CACHD1: variants seen among roughly 807,000 people sequenced by gnomAD.
CACHD1 encodes the protein cache domain containing 1.
A neutral mutation model predicts 138.7 loss-of-function variants in CACHD1; 71 were observed. That is an observed-to-expected ratio of 0.51 (90% CI 0.42 to 0.62). CACHD1 has a LOEUF of 0.62. Ranked by LOEUF, CACHD1 falls within the 20% of genes least tolerant of loss-of-function variation. CACHD1 has a pLI of 0.00. For synonymous variants in CACHD1, 578 were observed against 591.5 expected (o/e 0.98, Z 0.33); for missense variants, 1,389 against 1,625.3 (o/e 0.85, Z 2.50).
At chr1:64,532,223 G>A (rs1197096783) in intron 1 of CACHD1, among the ~76,000 whole-genome samples, 1 of 152,198 alleles carries the variant, frequency 6.6e-6, no homozygotes, top group African/African-American at 2.4e-5. Context: ...TGAATTTCCA[G>A]TGGGGTATGG....
chr1:64,572,340 C>T (rs778207580), intron 2 of CACHD1, among the ~76,000 whole-genome samples: 4 of 152,082 alleles, frequency 2.6e-5, no homozygotes, highest in Middle Eastern at 3.2e-3. Context: ...AAAAGAATCT[C>T]GGGTCAGGGG....
At chr1:64,679,841 C>T (rs1650113903) in intron 24 of CACHD1, 85 bp downstream of exon 24, 1 of 1,434,674 alleles carries the variant, frequency 7.0e-7, no homozygotes, top group South Asian at 1.3e-5. Flanking sequence ...AAGGAACTGT[C>T]AGAACAGTGC....
intron 1 of CACHD1, among the ~76,000 whole-genome samples, chr1:64,500,717 T>TAAAAAAAAAAA (rs72436564): frequency 1.8e-4 from 6 of 33,928 alleles, no homozygotes; most frequent in African/African-American, 2.1e-4. Context: ...CCTTGTCTCT[T>TAAAAAAAAAAA]AAAAAAAAAA....
intron 13 of CACHD1, among the ~76,000 whole-genome samples, chr1:64,660,269 G>C (rs1187010837): frequency 6.6e-6 from 1 of 152,106 alleles, no homozygotes; most frequent in Non-Finnish European, 1.5e-5. Context: ...TGATGAAAAA[G>C]AAGCTCAAGC....
chr1:64,501,370 A>G (rs1646338570), intron 1 of CACHD1, among the ~76,000 whole-genome samples: 1 of 152,122 alleles, frequency 6.6e-6, no homozygotes. Context: ...TCTTTATTTT[A>G]TGTATCATTT....
chr1:64,568,513 G>A (rs1330318905), intron 2 of CACHD1, among the ~76,000 whole-genome samples: 8 of 152,142 alleles, frequency 5.3e-5, no homozygotes, highest in Admixed American at 5.2e-4. Context: ...GAGAGAGGAA[G>A]CCACCTGATA....
intron 1 of CACHD1, among the ~76,000 whole-genome samples, chr1:64,529,049 A>G (rs1646561676): frequency 6.6e-6 from 1 of 152,126 alleles, no homozygotes; most frequent in Non-Finnish European, 1.5e-5. Flanking sequence ...AATTTGGAGA[A>G]ATGGGATTTG....
chr1:64,614,084 T>G (rs1647623586), intron 4 of CACHD1, among the ~76,000 whole-genome samples: 1 of 152,212 alleles, frequency 6.6e-6, no homozygotes, highest in Non-Finnish European at 1.5e-5. Context: ...CTTCTCCAGG[T>G]TTTATCCATT....
At chr1:64,686,656 A>G (rs1303399611) in intron 26 of CACHD1, among the ~76,000 whole-genome samples, 1 of 152,130 alleles carries the variant, frequency 6.6e-6, no homozygotes, top group Admixed American at 6.5e-5. Context: ...CTATTGGCTT[A>G]TTTTTAAGTC....
At chr1:64,650,768 G>A (rs1649062246) in intron 9 of CACHD1, among the ~76,000 whole-genome samples, 1 of 152,142 alleles carries the variant, frequency 6.6e-6, no homozygotes, top group South Asian at 2.1e-4. Context: ...CTTTCTGATA[G>A]GCTGATAGAC....
At chr1:64,676,353 C>G (rs902411709) in intron 21 of CACHD1, among the ~76,000 whole-genome samples, 2 of 152,068 alleles carry the variant, frequency 1.3e-5, no homozygotes, top group Non-Finnish European at 2.9e-5. Context: ...TTTTTACACA[C>G]GTATGATGTG....
intron 3 of CACHD1, among the ~76,000 whole-genome samples, chr1:64,592,313 G>A (rs1016158274): frequency 6.6e-6 from 1 of 152,122 alleles, no homozygotes; most frequent in African/African-American, 2.4e-5. Context: ...GGCAGTTAAT[G>A]TATAAGACAT....
At chr1:64,593,694 C>A (rs1326106371) in intron 3 of CACHD1, among the ~76,000 whole-genome samples, 5 of 152,128 alleles carry the variant, frequency 3.3e-5, no homozygotes, top group Non-Finnish European at 7.3e-5. Context: ...ATTATTATTA[C>A]CTGCAGGCCG....
At chr1:64,517,193 A>G (rs1043800791) in intron 1 of CACHD1, among the ~76,000 whole-genome samples, 2 of 152,230 alleles carry the variant, frequency 1.3e-5, no homozygotes, top group Non-Finnish European at 2.9e-5. Flanking sequence ...ATCCTAGCCA[A>G]AAGGCCAAGA....
intron 1 of CACHD1, among the ~76,000 whole-genome samples, chr1:64,512,960 G>A (rs1646433655): frequency 6.6e-6 from 1 of 152,146 alleles, no homozygotes; most frequent in Non-Finnish European, 1.5e-5. Context: ...CCAAACAGAG[G>A]CACAAATTTC....
intron 3 of CACHD1, among the ~76,000 whole-genome samples, chr1:64,590,418 G>T (rs1343314018): frequency 6.6e-6 from 1 of 151,598 alleles, no homozygotes; most frequent in Non-Finnish European, 1.5e-5. Flanking sequence ...CCTGTAAATT[G>T]GTTGTGTATT....
intron 4 of CACHD1, among the ~76,000 whole-genome samples, chr1:64,622,932 A>G (rs1198141076): frequency 6.6e-6 from 1 of 152,196 alleles, no homozygotes; most frequent in Non-Finnish European, 1.5e-5. Flanking sequence ...TAGACCCATG[A>G]AATCACACAA....
intron 1 of CACHD1, 131 bp downstream of exon 1, chr1:64,471,073 G>A: frequency 3.5e-6 from 3 of 865,852 alleles, no homozygotes; most frequent in Non-Finnish European, 5.1e-6. Flanking sequence ...CTTCCCGTCG[G>A]ACCCCTCTGT....
At chr1:64,641,785 C>T in intron 7 of CACHD1, 35 bp from the exon 8 acceptor site, 1 of 1,388,612 alleles carries the variant, frequency 7.2e-7, no homozygotes, top group Non-Finnish European at 9.5e-7. Flanking sequence ...AGCTGGAATC[C>T]AAAGAGAGCA....
Sources: allele counts gnomAD v4.1 joint callset (sites outside exome capture counted in the v4.1 genomes callset), GRCh38; gene constraint gnomAD v4.1.1; transcripts MANE v1.5; gene names NCBI Gene and HGNC (gene_info 2026-07-23, HGNC 2026-07-21).